The following GRIN2B variants were observed in gnomAD, a reference collection of about 807,000 sequenced individuals.
GRIN2B encodes the protein glutamate ionotropic receptor NMDA type subunit 2B.
Under a neutral mutation model 114.5 loss-of-function variants are expected in GRIN2B, and 5 were observed. That is an observed-to-expected ratio of 0.04 (90% CI 0.02 to 0.09). The LOEUF (loss-of-function observed/expected upper bound fraction) is 0.09. GRIN2B is among the 10% of genes least tolerant of loss of function. The pLI is 1.00. For synonymous variants in GRIN2B, 787 were observed against 745.1 expected, an observed-to-expected ratio of 1.06 and a Z score of -0.92; for missense variants, 1,108 against 1,943.5, an observed-to-expected ratio of 0.57 and a Z score of 8.08.
intron 5 of GRIN2B, among the ~76,000 whole-genome samples, chr12:13,673,666 G>A (rs977656323): frequency 1.3e-5 from 2 of 152,066 alleles, no homozygotes; most frequent in African/African-American, 4.8e-5. Flanking sequence ...ACCCTAGGAA[G>A]TAGGGTCTAG....
intron 4 of GRIN2B, among the ~76,000 whole-genome samples, chr12:13,715,381 T>C (rs1468054975): frequency 6.6e-6 from 1 of 151,888 alleles, no homozygotes; most frequent in Non-Finnish European, 1.5e-5. Context: ...TTTTTCTTTC[T>C]GGCAAGAATA....
At chr12:13,774,209 A>C (rs1236401673) in intron 3 of GRIN2B, among the ~76,000 whole-genome samples, 1 of 152,256 alleles carries the variant, frequency 6.6e-6, no homozygotes, top group African/African-American at 2.4e-5. Flanking sequence ...TTTATACCCC[A>C]GCTGATAACC....
chr12:13,798,077 G>A (rs1454372048), intron 3 of GRIN2B, among the ~76,000 whole-genome samples: 1 of 152,204 alleles, frequency 6.6e-6, no homozygotes, highest in Non-Finnish European at 1.5e-5. Flanking sequence ...CATTGATGCT[G>A]CTGGCCTTTA....
At chr12:13,825,260 T>G (rs1865011835) in intron 3 of GRIN2B, among the ~76,000 whole-genome samples, 1 of 151,920 alleles carries the variant, frequency 6.6e-6, no homozygotes, top group Non-Finnish European at 1.5e-5. Context: ...AATTCTAATG[T>G]GGTCACAGAA....
intron 2 of GRIN2B, among the ~76,000 whole-genome samples, chr12:13,908,586 A>G (rs1342658319): frequency 6.6e-6 from 1 of 152,200 alleles, no homozygotes; most frequent in African/African-American, 2.4e-5. Context: ...CACACCCGAA[A>G]GTTCTTCCTT....
intron 2 of GRIN2B, among the ~76,000 whole-genome samples, chr12:13,885,465 T>A (rs942470216): frequency 6.6e-6 from 1 of 152,126 alleles, no homozygotes; most frequent in African/African-American, 2.4e-5. Flanking sequence ...AGGAACCTTT[T>A]CTCCCCGTTA....
intron 2 of GRIN2B, among the ~76,000 whole-genome samples, chr12:13,905,784 G>A (rs1472511111): frequency 6.6e-6 from 1 of 152,172 alleles, no homozygotes; most frequent in Non-Finnish European, 1.5e-5. Flanking sequence ...CTGACGAGCT[G>A]AGAGCCAGAA....
intron 3 of GRIN2B, among the ~76,000 whole-genome samples, chr12:13,756,617 A>G (rs1409347241): frequency 6.6e-6 from 1 of 152,218 alleles, no homozygotes; most frequent in Non-Finnish European, 1.5e-5. Flanking sequence ...AAACTTTCCA[A>G]TATGCTTTAA....
chr12:13,647,878 A>G (rs1949776570), intron 5 of GRIN2B, among the ~76,000 whole-genome samples: 2 of 152,102 alleles, frequency 1.3e-5, no homozygotes, highest in African/African-American at 2.4e-5. Flanking sequence ...TGAATCCCGC[A>G]GCTTCTCCTC....
At chr12:13,723,839 G>C (rs1391370799) in intron 4 of GRIN2B, among the ~76,000 whole-genome samples, 5 of 149,664 alleles carry the variant, frequency 3.3e-5, no homozygotes, top group Admixed American at 2.7e-4. Context: ...AGAATCAAAT[G>C]AACTGACTAT....
intron 3 of GRIN2B, among the ~76,000 whole-genome samples, chr12:13,812,650 G>A (rs1157275332): frequency 6.6e-6 from 1 of 151,900 alleles, no homozygotes; most frequent in East Asian, 1.9e-4. Context: ...TTAAGTCTGA[G>A]GAAGCTGTAA....
intron 4 of GRIN2B, among the ~76,000 whole-genome samples, chr12:13,733,271 A>C (rs1390726413): frequency 6.7e-6 from 1 of 148,340 alleles, no homozygotes; most frequent in Non-Finnish European, 1.5e-5. Context: ...ATTAGGTAAA[A>C]GAAGTTGACC....
At chr12:13,819,097 A>G (rs913438915) in intron 3 of GRIN2B, among the ~76,000 whole-genome samples, 3 of 152,206 alleles carry the variant, frequency 2.0e-5, no homozygotes, top group Non-Finnish European at 4.4e-5. Context: ...GAGGCTGTTA[A>G]TCCTAATCCA....
chr12:13,788,181 G>T (rs1346658832), intron 3 of GRIN2B, among the ~76,000 whole-genome samples: 3 of 152,126 alleles, frequency 2.0e-5, no homozygotes, highest in African/African-American at 4.8e-5. Flanking sequence ...CCAAAGTCAG[G>T]TAGATATTAG....
chr12:13,928,251 T>C (rs1329388013), intron 2 of GRIN2B, among the ~76,000 whole-genome samples: 3 of 147,876 alleles, frequency 2.0e-5, no homozygotes, highest in African/African-American at 7.5e-5. Context: ...TGTGATGAGC[T>C]GAGATTGCGC....
intron 3 of GRIN2B, among the ~76,000 whole-genome samples, chr12:13,798,171 C>T (rs180802841): frequency 1.8e-4 from 28 of 152,288 alleles, no homozygotes; most frequent in African/African-American, 3.4e-4. Flanking sequence ...GACCCATTCT[C>T]CTTCCTCAGT....
intron 3 of GRIN2B, among the ~76,000 whole-genome samples, chr12:13,765,726 A>T (rs1863770819): frequency 6.6e-6 from 1 of 152,226 alleles, no homozygotes; most frequent in Admixed American, 6.5e-5. Context: ...CCATTGCAGC[A>T]GGCCCTGATA....
At position 13,930,327 on chromosome 12, in the gene GRIN2B, G is replaced by C. The variant is rs1410375589; in HGVS notation, c.-19+49601C>G. ...ATACATGGGATCTTGATTTCAATGG[G>C]GGCATTTGGCCAAGTTTCCTATGAG... On this transcript the variant is annotated intron_variant, in intron 2 of 13. Transcript: ENST00000609686. Among the ~76,000 whole-genome samples, 6 of 152,142 alleles carry C rather than the reference G, an allele frequency of 3.9e-5. No individual in the cohort carries two copies. The East Asian group carries it at 1.2e-3, about 29-fold the overall frequency.
chr12:13,898,668 T>G (rs753247100), intron 2 of GRIN2B, among the ~76,000 whole-genome samples: 17 of 152,226 alleles, frequency 1.1e-4, no homozygotes, highest in Non-Finnish European at 2.4e-4. Context: ...TCCCAGCACT[T>G]TAGGAGGCCA....
Sources: gnomAD v4.1 joint callset for allele counts (sites outside exome capture counted in the v4.1 genomes callset) on GRCh38, gnomAD v4.1.1 for gene constraint, MANE v1.5 for transcripts, NCBI Gene and HGNC (gene_info 2026-07-23, HGNC 2026-07-21) for gene names.